The following PCDHGB1 variants were observed in gnomAD, a reference collection of about 807,000 sequenced individuals.
PCDHGB1 encodes protocadherin gamma subfamily B, 1.
In PCDHGB1, 34 loss-of-function variants were observed where a neutral mutation model predicts 56.6. That is an observed-to-expected ratio of 0.60 (90% CI 0.46 to 0.80). The LOEUF (loss-of-function observed/expected upper bound fraction) is 0.80, where lower values mean the gene tolerates loss of function less well. Ranked by LOEUF, PCDHGB1 falls within the 30% of genes least tolerant of loss-of-function variation. The probability of loss-of-function intolerance (pLI) is 0.00; values close to 1 mark genes in which losing one functional copy is unlikely to be tolerated. For missense variants in PCDHGB1, 1,278 were observed against 1,204.6 expected (o/e 1.06, Z -0.90); for synonymous variants, 561 against 505.9 (o/e 1.11, Z -1.46).
chr5:141,502,039 G>T (rs2099812498), intron 2 of PCDHGB1, among the ~76,000 whole-genome samples: 1 of 152,126 alleles, frequency 6.6e-6, no homozygotes, highest in South Asian at 2.1e-4. Context: ...CCGCTTGCCT[G>T]CTCTCCCTAC....
At chr5:141,457,802 T>C (rs1332412750) in intron 1 of PCDHGB1, among the ~76,000 whole-genome samples, 1 of 152,210 alleles carries the variant, frequency 6.6e-6, no homozygotes, top group Non-Finnish European at 1.5e-5. Context: ...TCCTCTCCTC[T>C]TGAGGTCCCA....
At chr5:141,372,551 C>T (rs758593544) in intron 1 of PCDHGB1, 2 of 1,614,030 alleles carry the variant, frequency 1.2e-6, no homozygotes, top group South Asian at 1.1e-5. Flanking sequence ...GATGCTCCTC[C>T]AGACCCGCCA....
At chr5:141,380,278 A>G (rs1443350334) in intron 1 of PCDHGB1, among the ~76,000 whole-genome samples, 3 of 152,216 alleles carry the variant, frequency 2.0e-5, no homozygotes, top group African/African-American at 7.2e-5. Context: ...TCAGAGGAGA[A>G]ACATTGGAAG....
rs772328241 is a variant in PCDHGB1 at position 141,491,340 on chromosome 5, C to A, written c.2410-3467C>A. On this transcript the variant is annotated intron_variant, in intron 1 of 3. Coordinates refer to ENST00000523390, the MANE Select transcript of PCDHGB1 (RefSeq NM_018922.3). The surrounding 1 kb of genome is among the most constrained non-coding windows in gnomAD (Gnocchi z 6.9). ...TTTACCTCATTGTGGCTCTAGCGACCGTCAGTCTCTTATCCCTAGTCACCT... is the reference window on the plus strand; with the variant it reads ...TTTACCTCATTGTGGCTCTAGCGACAGTCAGTCTCTTATCCCTAGTCACCT... 4.3e-6 allele frequency: 7 copies of A among 1,614,146 alleles called. No homozygotes were observed. Among genetic ancestry groups the A allele is most frequent in the Non-Finnish European group, 5.9e-6 (7 of 1,180,014 alleles).
At chr5:141,374,307 T>A in intron 1 of PCDHGB1, 1 of 1,613,922 alleles carries the variant, frequency 6.2e-7, no homozygotes, top group Non-Finnish European at 8.5e-7. Context: ...ATGCAGCTTT[T>A]CTCTCTGAAT....
At chr5:141,494,564 G>A (rs2099755274) in intron 1 of PCDHGB1, among the ~76,000 whole-genome samples, 1 of 152,138 alleles carries the variant, frequency 6.6e-6, no homozygotes, top group Non-Finnish European at 1.5e-5. Context: ...TTTAGGAAAG[G>A]AGTCTCAGCT....
chr5:141,356,135 CTG>C (rs753275749), intron 1 of PCDHGB1: 2 of 1,613,762 alleles, frequency 1.2e-6, no homozygotes, highest in Non-Finnish European at 1.7e-6. Flanking sequence ...TATGAGGACT[CTG>C]GATTCTATGA....
In PCDHGB1 at chr5:141,491,961, G is replaced by A. The variant is rs891299192; in HGVS notation, c.2410-2846G>A. 3 of 970,010 alleles carry A rather than the reference G, an allele frequency of 3.1e-6. No individual in the cohort carries two copies. The highest frequency in any genetic ancestry group is 4.3e-6 in the Non-Finnish European group (3 of 693,098). 60.1% of individuals were successfully genotyped at this position (970,010 alleles called of 1,614,324 possible). On this transcript the variant is annotated intron_variant, in intron 1 of 3. Transcript: ENST00000523390. This position sits in a 1 kb window ranked among gnomAD's most constrained non-coding sequence, Gnocchi z 6.9. ...GACCCCCACCCCTACACTCAAAAAAGGCCGGGGCCTCCTTCGAGCTTCCGG... is the reference window on the plus strand; with the variant it reads ...GACCCCCACCCCTACACTCAAAAAAAGCCGGGGCCTCCTTCGAGCTTCCGG...
chr5:141,482,530 C>CA (rs3074545), intron 1 of PCDHGB1, among the ~76,000 whole-genome samples: 3,839 of 76,186 alleles, frequency 0.05, 137 homozygotes, highest in East Asian at 0.1. Context: ...GACAGACATG[C>CA]AAAAAAAAAA....
chr5:141,401,623 T>A (rs1418194568), intron 1 of PCDHGB1, among the ~76,000 whole-genome samples: 1 of 152,230 alleles, frequency 6.6e-6, no homozygotes, highest in African/African-American at 2.4e-5. Flanking sequence ...GGATTTGTCT[T>A]ATCGTTTGGA....
chr5:141,371,086 T>C (rs1767472872), intron 1 of PCDHGB1: 2 of 1,613,836 alleles, frequency 1.2e-6, no homozygotes, highest in Admixed American at 3.3e-5. Context: ...ATCAGGGTAA[T>C]TGTCGCAGAT....
chr5:141,408,295 G>A (rs1185231517), intron 1 of PCDHGB1: 8 of 1,613,700 alleles, frequency 5.0e-6, no homozygotes, highest in East Asian at 2.2e-5. Flanking sequence ...CCCTGAGTGA[G>A]CCGATCCGCT....
Position 141,370,001 on chromosome 5 carries a change from T to G in PCDHGB1, c.2409+17332T>G, listed in dbSNP as rs371025652. Among the ~76,000 whole-genome samples the G allele has an allele frequency of 8.5e-5, 13 of 152,322 alleles. No homozygotes were observed. The South Asian group carries it at 2.5e-3, about 29-fold the overall frequency. On this transcript the variant is annotated intron_variant, in intron 1 of 3. Transcript: ENST00000523390. ...TGATTTGGATGGATAAAGCTCAAATTAAAAGAAATAACAGACTAAAGATAT... is the reference window on the plus strand; with the variant it reads ...TGATTTGGATGGATAAAGCTCAAATGAAAAGAAATAACAGACTAAAGATAT...
In PCDHGB1 at chr5:141,415,645, A is replaced by T. The variant is rs200555070; in HGVS notation, c.2409+62976A>T. On this transcript the variant is annotated intron_variant, in intron 1 of 3. Transcript: ENST00000523390. The stretch of plus-strand genomic sequence containing the variant: ...TATTTTCATTTTTACTTTTGTTAAA[A>T]AAAAAAAGATTGGTTTTTACTTTGA... The T allele has an allele frequency of 3.5e-3, 5,682 of 1,600,720 alleles. 22 individuals carry two copies. The highest frequency in any genetic ancestry group is 5.0e-3 in the Middle Eastern group (30 of 6,044).
At chr5:141,380,599 A>G (rs1427125974) in intron 1 of PCDHGB1, among the ~76,000 whole-genome samples, 3 of 152,234 alleles carry the variant, frequency 2.0e-5, no homozygotes, top group Non-Finnish European at 2.9e-5. Context: ...GATCTTTAAT[A>G]TTTAATTTTA....
chr5:141,485,762 G>A lies in PCDHGB1; in HGVS notation c.2410-9045G>A, dbSNP rs774145313. 3.1e-6 allele frequency: 5 copies of A among 1,614,226 alleles called. No homozygotes were observed. The highest frequency in any genetic ancestry group is 3.3e-5 in the Admixed American group (2 of 60,030). ...CAGCCTGGTCCCAGAGCTGCTCCTG[G>A]AGAAGCCTTTGGATCGAGAGAAGCA... On this transcript the variant is annotated intron_variant, in intron 1 of 3. Transcript: ENST00000523390. The surrounding 1 kb of genome is among the most constrained non-coding windows in gnomAD (Gnocchi z 5.7).
chr5:141,488,046 G>A (rs958459817), intron 1 of PCDHGB1, among the ~76,000 whole-genome samples: 1 of 152,182 alleles, frequency 6.6e-6, no homozygotes, highest in African/African-American at 2.4e-5. Flanking sequence ...CCAAGGGATT[G>A]AGGGGAAATA....
At chr5:141,367,223 C>G in intron 1 of PCDHGB1, 1 of 155,444 alleles carries the variant, frequency 6.4e-6, no homozygotes, top group Non-Finnish European at 1.4e-5. Flanking sequence ...TGGAAAGGTA[C>G]AGAGAACTTC....
chr5:141,369,864 C>G lies in PCDHGB1; in HGVS notation c.2409+17195C>G, dbSNP rs184751996. Reference sequence around the variant, plus strand: ...GTATTATTTTATTTGGCCCTCATTTCTACTAGAGTAAGCAGAGAAGATATT... The same window carrying G: ...GTATTATTTTATTTGGCCCTCATTTGTACTAGAGTAAGCAGAGAAGATATT... On this transcript the variant is annotated intron_variant, in intron 1 of 3. Transcript: ENST00000523390. Among the ~76,000 whole-genome samples, 368 of 152,244 alleles carry G rather than the reference C, an allele frequency of 2.4e-3. 5 individuals carry two copies. Among genetic ancestry groups the G allele is most frequent in the African/African-American group, 8.5e-3 (353 of 41,550 alleles).
Sources: gnomAD v4.1 joint callset for allele counts (sites outside exome capture counted in the v4.1 genomes callset) on GRCh38, gnomAD v4.1.1 for gene constraint, Gnocchi (gnomAD v3.1) non-coding constraint, MANE v1.5 for transcripts, NCBI Gene and HGNC (gene_info 2026-07-23, HGNC 2026-07-21) for gene names.